PARD3: variants seen among roughly 807,000 people sequenced by gnomAD.
PARD3 encodes partitioning defective 3 homolog.
Under a neutral mutation model 155.4 loss-of-function variants are expected in PARD3, and 75 were observed. The observed-to-expected ratio is 0.48, with a 90% CI of 0.40 to 0.58. The LOEUF (loss-of-function observed/expected upper bound fraction) is 0.58, where lower values mean the gene tolerates loss of function less well. Ranked by LOEUF, PARD3 falls within the 20% of genes least tolerant of loss-of-function variation. PARD3 has a pLI of 0.00. For synonymous variants in PARD3, 576 were observed against 610.5 expected (o/e 0.94, Z 0.83); for missense variants, 1,642 against 1,721.7 (o/e 0.95, Z 0.82).
intron 5 of PARD3, chr10:34,426,562 T>G (rs1589530545): frequency 6.6e-6 from 1 of 152,194 alleles, no homozygotes; most frequent in African/African-American, 2.4e-5. Context: ...AATTACATGA[T>G]TATTTCAAAA....
intron 2 of PARD3, among the ~76,000 whole-genome samples, chr10:34,645,591 C>G (rs887200180): frequency 2.6e-5 from 4 of 152,106 alleles, no homozygotes; most frequent in Non-Finnish European, 5.9e-5. Flanking sequence ...CCAAATTTTC[C>G]AAAACAGGTA....
At chr10:34,770,936 A>T (rs979540216) in intron 1 of PARD3, among the ~76,000 whole-genome samples, 1 of 152,112 alleles carries the variant, frequency 6.6e-6, no homozygotes, top group African/African-American at 2.4e-5. Flanking sequence ...GGATTTGGAA[A>T]GGCTTTGAGA....
intron 2 of PARD3, among the ~76,000 whole-genome samples, chr10:34,645,147 C>T (rs2092797251): frequency 6.6e-6 from 1 of 151,910 alleles, no homozygotes; most frequent in African/African-American, 2.4e-5. Context: ...GCCATCACAC[C>T]CAGCCAACAC....
chr10:34,457,336 A>G (rs1290352516), intron 4 of PARD3, among the ~76,000 whole-genome samples: 1 of 152,206 alleles, frequency 6.6e-6, no homozygotes, highest in Non-Finnish European at 1.5e-5. Flanking sequence ...GCAAAACTCA[A>G]CCACATCCAG....
At chr10:34,458,701 AGAT>A (rs1359194845) in intron 4 of PARD3, among the ~76,000 whole-genome samples, 1 of 152,188 alleles carries the variant, frequency 6.6e-6, no homozygotes, top group East Asian at 1.9e-4. Context: ...AGGAGGAAAT[AGAT>A]GAGGGAAGTT....
At chr10:34,254,241 A>G (rs761840894) in intron 22 of PARD3, among the ~76,000 whole-genome samples, 40 of 152,122 alleles carry the variant, frequency 2.6e-4, no homozygotes, top group Admixed American at 7.2e-4. Context: ...TTAGCTGGGC[A>G]TGGTGGCACG....
chr10:34,727,669 C>T (rs562199979), intron 1 of PARD3, among the ~76,000 whole-genome samples: 1 of 152,174 alleles, frequency 6.6e-6, no homozygotes, highest in South Asian at 2.1e-4. Flanking sequence ...TTTCTGCTCC[C>T]GGTCTCTCAT....
At chr10:34,679,776 A>C (rs533094299) in intron 2 of PARD3, among the ~76,000 whole-genome samples, 25 of 152,318 alleles carry the variant, frequency 1.6e-4, no homozygotes, top group African/African-American at 6.0e-4. Context: ...CACGAAAATA[A>C]GACAAGTCGT....
rs527653507 is a variant in PARD3, at chr10:34,781,326, T to A, written c.120+33550A>T. Among the ~76,000 whole-genome samples, 10 of 152,336 alleles carry A rather than the reference T, an allele frequency of 6.6e-5. No individual in the cohort carries two copies. The East Asian group carries it at 1.2e-3, about 18-fold the overall frequency. On this transcript the variant is annotated intron_variant, in intron 1 of 24. Coordinates refer to ENST00000374788, the MANE Select transcript of PARD3 (RefSeq NM_001184785.2). ...CCATGCAGTCCTTGGAAGAGCTGGG[T>A]GCTCCCTAGGGCAACTGGTATTTTC...
chr10:34,303,069 T>TAA (rs869118245), intron 20 of PARD3, among the ~76,000 whole-genome samples: 672 of 33,092 alleles, frequency 0.02, 8 homozygotes, highest in African/African-American at 0.046. Context: ...AACCAAGTTT[T>TAA]AAAAAAAAAA....
At chr10:34,700,600 A>G (rs1252028654) in intron 1 of PARD3, among the ~76,000 whole-genome samples, 1 of 152,262 alleles carries the variant, frequency 6.6e-6, no homozygotes, top group Non-Finnish European at 1.5e-5. Flanking sequence ...TTGATAAAAA[A>G]AAAATTTGAG....
intron 24 of PARD3, among the ~76,000 whole-genome samples, chr10:34,115,607 C>T (rs1236514356): frequency 6.6e-6 from 1 of 151,972 alleles, no homozygotes; most frequent in Non-Finnish European, 1.5e-5. Context: ...TGTTAGCTAA[C>T]TTGATTAAAC....
At chr10:34,435,003 G>C (rs1775279916) in intron 5 of PARD3, among the ~76,000 whole-genome samples, 1 of 152,100 alleles carries the variant, frequency 6.6e-6, no homozygotes, top group Admixed American at 6.5e-5. Context: ...ACATATAAGA[G>C]ATAGAAAACC....
chr10:34,558,935 A>C (rs1196413557), intron 2 of PARD3, among the ~76,000 whole-genome samples: 3 of 152,210 alleles, frequency 2.0e-5, no homozygotes, highest in Non-Finnish European at 4.4e-5. Context: ...CGACAGAGTG[A>C]GACCCGGTCT....
chr10:34,665,757 G>A (rs993756710), intron 2 of PARD3, among the ~76,000 whole-genome samples: 8 of 151,572 alleles, frequency 5.3e-5, no homozygotes, highest in Non-Finnish European at 1.0e-4. Flanking sequence ...AGAATCACTT[G>A]AACCCAGGAG....
chr10:34,739,933 G>A (rs964230111), intron 1 of PARD3, among the ~76,000 whole-genome samples: 3 of 152,172 alleles, frequency 2.0e-5, no homozygotes, highest in Non-Finnish European at 4.4e-5. Flanking sequence ...GTCAGGAGGA[G>A]GGCAGAACCA....
chr10:34,403,407 C>T (rs76247702), intron 5 of PARD3, among the ~76,000 whole-genome samples: 159 of 152,180 alleles, frequency 1.0e-3, no homozygotes, highest in African/African-American at 3.6e-3. Context: ...ACAGTAGAAA[C>T]GTGTATGCCA....
intron 3 of PARD3, among the ~76,000 whole-genome samples, chr10:34,510,956 C>T (rs111544820): frequency 3.9e-5 from 6 of 152,168 alleles, no homozygotes; most frequent in Non-Finnish European, 8.8e-5. Context: ...CATCAGCATA[C>T]AAATGTCATT....
intron 4 of PARD3, among the ~76,000 whole-genome samples, chr10:34,462,578 C>T (rs1473216392): frequency 6.6e-6 from 1 of 152,088 alleles, no homozygotes; most frequent in Non-Finnish European, 1.5e-5. Flanking sequence ...GGCGCAGTGG[C>T]TCAGGCCTGT....
Sources: allele counts gnomAD v4.1 joint callset (sites outside exome capture counted in the v4.1 genomes callset), GRCh38; gene constraint gnomAD v4.1.1; transcripts MANE v1.5; gene names NCBI Gene and HGNC (gene_info 2026-07-23, HGNC 2026-07-21).